SEC24B: variants seen among roughly 807,000 people sequenced by gnomAD.
The protein encoded by SEC24B is SEC24 homolog B, COPII component.
SEC24B carries 45 observed loss-of-function variants against 142.8 expected under a neutral mutation model. That is an observed-to-expected ratio of 0.32 (90% CI 0.25 to 0.40). The LOEUF is 0.40. Among genes scored for constraint, SEC24B ranks in the 10% least tolerant of loss-of-function variants. SEC24B has a pLI of 1.00. For synonymous variants in SEC24B, 574 were observed against 568.2 expected (o/e 1.01, Z -0.15); for missense variants, 1,409 against 1,526.8 (o/e 0.92, Z 1.29).
At chr4:109,484,345 A>G (rs1198073928) in intron 4 of SEC24B, among the ~76,000 whole-genome samples, 1 of 152,220 alleles carries the variant, frequency 6.6e-6, no homozygotes, top group Admixed American at 6.5e-5. Flanking sequence ...TTGTGTTCTC[A>G]GTGCATCCTA....
At chr4:109,521,303 C>T (rs1428341876) in intron 13 of SEC24B, 117 bp from the exon 14 acceptor site, 2 of 991,676 alleles carry the variant, frequency 2.0e-6, no homozygotes, top group Admixed American at 2.2e-5. Context: ...TATCTATTGA[C>T]TCCTCAGTTT....
Position 109,526,314 on chromosome 4 carries a change from T to C in SEC24B, c.2880T>C (p.Phe960=). ...SLANINPDAG[F]AVQLSIEESL... ...CCAACATCAATCCTGATGCTGGATT[T>C]GCGGTGCAGTTGTCAATTGAAGAAA... Residue 960 remains phenylalanine (F), a synonymous_variant, in exon 17 of 24, where the codon TTT becomes TTC. Coordinates refer to ENST00000265175, the MANE Select transcript of SEC24B (RefSeq NM_006323.5). 1.9e-6 allele frequency: 3 copies of C among 1,614,044 alleles called. No individual in the cohort carries two copies. Among genetic ancestry groups the C allele is most frequent in the Non-Finnish European group, 2.5e-6 (3 of 1,179,918 alleles).
intron 4 of SEC24B, 71 bp downstream of exon 4, chr4:109,481,852 CT>C: frequency 9.0e-7 from 1 of 1,111,108 alleles, no homozygotes; most frequent in Non-Finnish European, 1.3e-6. Context: ...CACAGTCTTA[CT>C]TAGCCTTTTA....
intron 1 of SEC24B, among the ~76,000 whole-genome samples, chr4:109,438,273 C>T (rs1180380721): frequency 6.6e-6 from 1 of 152,014 alleles, no homozygotes; most frequent in Non-Finnish European, 1.5e-5. Context: ...TTGCTAATTC[C>T]AACTCTAGAT....
intron 1 of SEC24B, among the ~76,000 whole-genome samples, chr4:109,453,151 A>T (rs1036716696): frequency 6.6e-6 from 1 of 152,176 alleles, no homozygotes; most frequent in Non-Finnish European, 1.5e-5. Flanking sequence ...GGTCACAGAG[A>T]TCCCATGCTT....
At chr4:109,535,843 C>T (rs922967000) in intron 22 of SEC24B, among the ~76,000 whole-genome samples, 6 of 148,930 alleles carry the variant, frequency 4.0e-5, no homozygotes, top group South Asian at 2.2e-4. Context: ...CAGAGCAAGA[C>T]TCCGTCTCAA....
chr4:109,456,285 G>T (rs1338519926), intron 1 of SEC24B, among the ~76,000 whole-genome samples: 4 of 141,106 alleles, frequency 2.8e-5, no homozygotes, highest in African/African-American at 1.1e-4. Context: ...ATTTTTTTGG[G>T]ATTTTCTACT....
intron 6 of SEC24B, among the ~76,000 whole-genome samples, chr4:109,501,930 T>A (rs1339630554): frequency 6.6e-6 from 1 of 152,174 alleles, no homozygotes; most frequent in African/African-American, 2.4e-5. Flanking sequence ...TCAGGATTAA[T>A]AAGACAATAA....
Position 109,526,346 on chromosome 4 carries a change from C to T in SEC24B, c.2912C>T (p.Thr971Ile). The change falls in exon 17 of 24, where the codon ACA becomes ATA. Residue 971 changes from threonine to isoleucine, a missense_variant. By Grantham distance (89) the Thr-to-Ile change is moderately conservative. This residue lies in a region of SEC24B where 700 missense variants were observed against 853.3 expected (regional missense o/e 0.82). Coordinates refer to ENST00000265175, the MANE Select transcript of SEC24B (RefSeq NM_006323.5). ...CAGTTGTCAATTGAAGAAAGTTTAA[C>T]AGATACTTCCTTAGTATGTTTTCAA... The part of the protein sequence containing the change: ...AVQLSIEESL[T>I]DTSLVCFQTA... 6 of 1,613,776 alleles carry T rather than the reference C, an allele frequency of 3.7e-6. No individual in the cohort carries two copies. The highest frequency in any genetic ancestry group is 5.1e-6 in the Non-Finnish European group (6 of 1,179,754).
At chr4:109,517,518 T>G (rs754149652) in intron 11 of SEC24B, among the ~76,000 whole-genome samples, 2 of 152,316 alleles carry the variant, frequency 1.3e-5, no homozygotes, top group South Asian at 4.1e-4. Flanking sequence ...TCAAGAGATC[T>G]GTTGTACAAC....
chr4:109,523,609 T>G (rs1396484606), intron 14 of SEC24B, among the ~76,000 whole-genome samples: 1 of 152,232 alleles, frequency 6.6e-6, no homozygotes, highest in East Asian at 1.9e-4. Flanking sequence ...ATATTCATTT[T>G]TCTTTTGTAC....
intron 4 of SEC24B, among the ~76,000 whole-genome samples, chr4:109,490,486 GCAAGA>G (rs1734911419): frequency 6.6e-6 from 1 of 151,996 alleles, no homozygotes; most frequent in South Asian, 2.1e-4. Flanking sequence ...GTGAAACAAA[GCAAGA>G]TCTCTAACAT....
chr4:109,445,824 A>G (rs1481672168), intron 1 of SEC24B, among the ~76,000 whole-genome samples: 1 of 151,780 alleles, frequency 6.6e-6, no homozygotes, highest in African/African-American at 2.4e-5. Flanking sequence ...CCCCTGCCTC[A>G]GCCTCCCAAA....
chr4:109,528,073 C>T (rs1724457797), intron 18 of SEC24B, among the ~76,000 whole-genome samples: 1 of 152,042 alleles, frequency 6.6e-6, no homozygotes. Context: ...CTCTCAAAGA[C>T]ATTGTGCTGA....
intron 8 of SEC24B, among the ~76,000 whole-genome samples, chr4:109,510,656 A>T (rs1737220127): frequency 6.6e-6 from 1 of 152,292 alleles, no homozygotes; most frequent in Non-Finnish European, 1.5e-5. Flanking sequence ...AAATTAAACA[A>T]ATTTGTTAAT....
At chr4:109,493,631 C>CTT (rs11284823) in intron 5 of SEC24B, among the ~76,000 whole-genome samples, 6 of 141,334 alleles carry the variant, frequency 4.2e-5, no homozygotes, top group African/African-American at 5.3e-5. Flanking sequence ...TAGATACTAC[C>CTT]TTTTTTTTTT....
At chr4:109,507,731 C>T (rs558180539) in intron 7 of SEC24B, among the ~76,000 whole-genome samples, 4 of 152,192 alleles carry the variant, frequency 2.6e-5, no homozygotes, top group African/African-American at 9.6e-5. Context: ...CCGCAATCTC[C>T]GCCTCCCAGG....
At chr4:109,483,968 T>C (rs1578864472) in intron 4 of SEC24B, among the ~76,000 whole-genome samples, 1 of 152,254 alleles carries the variant, frequency 6.6e-6, no homozygotes, top group African/African-American at 2.4e-5. Context: ...TTACCCCTAA[T>C]ACTTTATGTT....
At chr4:109,453,853 C>T (rs781239640) in intron 1 of SEC24B, among the ~76,000 whole-genome samples, 84 of 152,236 alleles carry the variant, frequency 5.5e-4, no homozygotes, top group African/African-American at 1.9e-3. Flanking sequence ...TCCTGCCGTT[C>T]GGTATCCCTG....
Sources: gnomAD v4.1 joint callset for allele counts (sites outside exome capture counted in the v4.1 genomes callset) on GRCh38, gnomAD v4.1.1 for gene constraint, gnomAD v4.1.1 regional missense constraint, MANE v1.5 for transcripts, NCBI Gene and HGNC (gene_info 2026-07-23, HGNC 2026-07-21) for gene names.